MYCBP2: variants seen among roughly 807,000 people sequenced by gnomAD.
MYCBP2 encodes the protein MYC binding protein 2.
MYCBP2 carries 120 observed loss-of-function variants against 525.3 expected under a neutral mutation model. The observed-to-expected ratio is 0.23, with a 90% CI of 0.20 to 0.27. MYCBP2 has a LOEUF of 0.27. Among genes scored for constraint, MYCBP2 ranks in the 10% least tolerant of loss-of-function variants. MYCBP2 has a pLI of 1.00. For synonymous variants in MYCBP2, 1,894 were observed against 1,955.8 expected (o/e 0.97, Z 0.83); for missense variants, 4,149 against 5,657.1 (o/e 0.73, Z 8.55).
chr13:77,305,912 C>T (rs57692611), intron 1 of MYCBP2, among the ~76,000 whole-genome samples: 20 of 152,106 alleles, frequency 1.3e-4, no homozygotes, highest in Middle Eastern at 3.4e-3. Context: ...TATAAAAAAC[C>T]TACTTTTAAC....
intron 1 of MYCBP2, among the ~76,000 whole-genome samples, chr13:77,299,292 C>T (rs992135977): frequency 2.0e-5 from 3 of 152,136 alleles, no homozygotes; most frequent in African/African-American, 7.2e-5. Flanking sequence ...AATGACTTTA[C>T]GTACATTTCT....
chr13:77,314,206 A>G (rs2080636652), intron 1 of MYCBP2, among the ~76,000 whole-genome samples: 1 of 152,220 alleles, frequency 6.6e-6, no homozygotes, highest in Non-Finnish European at 1.5e-5. Context: ...CCATTCCCCA[A>G]TGTATATGTA....
chr13:77,151,921 C>A lies in MYCBP2; in HGVS notation c.6916-972G>T, dbSNP rs118094074. On this transcript the variant is annotated intron_variant, in intron 46 of 82. Transcript: ENST00000544440. Reference sequence around the variant, plus strand: ...ACACAATTTGAATACCACTTTAGTTCTTCAGCAGGTATCACCATTCTGAGC... The same window carrying A: ...ACACAATTTGAATACCACTTTAGTTATTCAGCAGGTATCACCATTCTGAGC... Among the ~76,000 whole-genome samples, 660 of 152,326 alleles carry A rather than the reference C, an allele frequency of 4.3e-3. 2 individuals carry two copies. The highest frequency in any genetic ancestry group is 7.2e-3 in the Non-Finnish European group (492 of 68,024).
intron 17 of MYCBP2, among the ~76,000 whole-genome samples, chr13:77,241,963 A>C (rs1388849623): frequency 6.6e-6 from 1 of 152,218 alleles, no homozygotes; most frequent in Non-Finnish European, 1.5e-5. Context: ...TTCTAATCAA[A>C]ATTTTGCCTA....
intron 55 of MYCBP2, chr13:77,103,229 G>C: frequency 2.5e-6 from 1 of 397,882 alleles, no homozygotes; most frequent in East Asian, 3.6e-5. Flanking sequence ...GTGAGACAGA[G>C]ATGAGAGAGC....
At chr13:77,092,930 T>C (rs761416715) in intron 59 of MYCBP2, among the ~76,000 whole-genome samples, 1 of 152,176 alleles carries the variant, frequency 6.6e-6, no homozygotes, top group Non-Finnish European at 1.5e-5. Flanking sequence ...TTAAGTAATG[T>C]CATATAATGT....
chr13:77,211,704 A>G (rs2154281845), intron 22 of MYCBP2, among the ~76,000 whole-genome samples: 1 of 152,310 alleles, frequency 6.6e-6, no homozygotes, highest in Non-Finnish European at 1.5e-5. Flanking sequence ...ATTTTATCCT[A>G]CTAGAATTTA....
intron 82 of MYCBP2, among the ~76,000 whole-genome samples, chr13:77,049,082 A>G (rs2036193612): frequency 6.6e-6 from 1 of 152,062 alleles, no homozygotes; most frequent in South Asian, 2.1e-4. Flanking sequence ...ACCACAACCT[A>G]CAACTTTCAT....
At chr13:77,192,589 G>A (rs1445205131) in intron 27 of MYCBP2, among the ~76,000 whole-genome samples, 1 of 152,116 alleles carries the variant, frequency 6.6e-6, no homozygotes, top group Non-Finnish European at 1.5e-5. Flanking sequence ...AATCTGTAGA[G>A]GTATGGAAGT....
At chr13:77,134,460 G>A (rs1044076644) in intron 52 of MYCBP2, among the ~76,000 whole-genome samples, 1 of 152,132 alleles carries the variant, frequency 6.6e-6, no homozygotes, top group Non-Finnish European at 1.5e-5. Flanking sequence ...CTTGAACCTG[G>A]GAGGTGGAGG....
intron 1 of MYCBP2, among the ~76,000 whole-genome samples, chr13:77,306,880 C>T (rs577257489): frequency 6.6e-6 from 1 of 151,922 alleles, no homozygotes; most frequent in Non-Finnish European, 1.5e-5. Flanking sequence ...GTGGGATTTT[C>T]GGAAAGATTG....
At chr13:77,266,001 G>C (rs990943238) in intron 8 of MYCBP2, among the ~76,000 whole-genome samples, 3 of 152,086 alleles carry the variant, frequency 2.0e-5, no homozygotes, top group Non-Finnish European at 4.4e-5. Context: ...CACTTGTATT[G>C]TTCAAAGTTG....
intron 68 of MYCBP2, among the ~76,000 whole-genome samples, chr13:77,075,308 G>A (rs1005026883): frequency 2.6e-4 from 40 of 152,140 alleles, no homozygotes; most frequent in African/African-American, 9.7e-4. Context: ...AGGAATTTCT[G>A]TATGTAAATT....
At chr13:77,274,696 T>G (rs1240122022) in intron 4 of MYCBP2, among the ~76,000 whole-genome samples, 3 of 152,186 alleles carry the variant, frequency 2.0e-5, no homozygotes, top group Non-Finnish European at 4.4e-5. Flanking sequence ...CTCATCATCA[T>G]CTTTCCAATC....
chr13:77,253,225 G>T (rs9600843), intron 14 of MYCBP2, among the ~76,000 whole-genome samples: 4,538 of 151,746 alleles, frequency 0.03, 243 homozygotes, highest in African/African-American at 0.1. Context: ...TCAAGGGAAT[G>T]AAAATTAAAA....
intron 14 of MYCBP2, among the ~76,000 whole-genome samples, chr13:77,256,104 AG>A (rs2154334111): frequency 6.6e-6 from 1 of 152,176 alleles, no homozygotes; most frequent in Non-Finnish European, 1.5e-5. Context: ...GTTGGAGCAA[AG>A]GATATTGTGA....
intron 47 of MYCBP2, among the ~76,000 whole-genome samples, chr13:77,150,419 G>T (rs985995306): frequency 1.3e-5 from 2 of 152,144 alleles, no homozygotes; most frequent in Non-Finnish European, 2.9e-5. Flanking sequence ...TGGGATTATA[G>T]GTGTGGGCCA....
At position 77,082,021 on chromosome 13, in the gene MYCBP2, C is replaced by G; in HGVS notation, c.11037-28G>C. The G allele has an allele frequency of 5.6e-6, 9 of 1,596,966 alleles. No individual in the cohort carries two copies. In the South Asian group the frequency reaches 9.0e-5, roughly 16 times the overall value. On this transcript the variant is annotated intron_variant, in intron 63 of 82. Coordinates refer to ENST00000544440, the MANE Select transcript of MYCBP2 (RefSeq NM_015057.5). ...AAAAAGGCGATATATAAGCAATATA[C>G]GAAATAATTATTTTCCAGGAACATC...
chr13:77,317,387 T>C (rs1346307957), intron 1 of MYCBP2, among the ~76,000 whole-genome samples: 1 of 152,206 alleles, frequency 6.6e-6, no homozygotes, highest in Admixed American at 6.5e-5. Flanking sequence ...CCCCTTGCCA[T>C]CAGAGCTATG....
Sources: allele counts gnomAD v4.1 joint callset (sites outside exome capture counted in the v4.1 genomes callset), GRCh38; gene constraint gnomAD v4.1.1; transcripts MANE v1.5; gene names NCBI Gene and HGNC (gene_info 2026-07-23, HGNC 2026-07-21).